The following WDR7 variants were observed in gnomAD, a reference collection of about 807,000 sequenced individuals.
WDR7 encodes WD repeat-containing protein 7.
A neutral mutation model predicts 169.4 loss-of-function variants in WDR7; 46 were observed. That is an observed-to-expected ratio of 0.27 (90% CI 0.21 to 0.35). The LOEUF (loss-of-function observed/expected upper bound fraction) is 0.35, where lower values mean the gene tolerates loss of function less well. Among genes scored for constraint, WDR7 ranks in the 10% least tolerant of loss-of-function variants. The pLI, the probability that WDR7 is intolerant of heterozygous loss-of-function variation, is 1.00. For missense variants in WDR7, 1,534 were observed against 1,859.3 expected (o/e 0.83, Z 3.22); for synonymous variants, 612 against 666.8 (o/e 0.92, Z 1.27).
At chr18:56,808,029 T>C (rs1325122667) in intron 19 of WDR7, among the ~76,000 whole-genome samples, 1 of 152,162 alleles carries the variant, frequency 6.6e-6, no homozygotes, top group African/African-American at 2.4e-5. Context: ...GGCCTTTGTG[T>C]GTATGTGCTG....
intron 4 of WDR7, among the ~76,000 whole-genome samples, chr18:56,682,140 A>T (rs1274524112): frequency 6.6e-6 from 1 of 152,226 alleles, no homozygotes; most frequent in Admixed American, 6.5e-5. Flanking sequence ...ACACCCTTAC[A>T]TATTAAATAG....
intron 1 of WDR7, among the ~76,000 whole-genome samples, chr18:56,656,565 C>T (rs538084069): frequency 7.0e-6 from 1 of 142,046 alleles, no homozygotes; most frequent in African/African-American, 2.6e-5. Flanking sequence ...TAGATGTGAG[C>T]CACTGCGCCC....
chr18:56,992,801 A>G (rs1008541619), intron 26 of WDR7, among the ~76,000 whole-genome samples: 5 of 152,224 alleles, frequency 3.3e-5, no homozygotes, highest in African/African-American at 1.2e-4. Flanking sequence ...CTGAACTAGA[A>G]GTTCAGGGAT....
chr18:57,010,878 G>C (rs1175620566), intron 26 of WDR7, among the ~76,000 whole-genome samples: 1 of 152,082 alleles, frequency 6.6e-6, no homozygotes, highest in African/African-American at 2.4e-5. Flanking sequence ...CAGTTAAATC[G>C]AAGGGAAAAT....
intron 12 of WDR7, among the ~76,000 whole-genome samples, chr18:56,700,568 T>TC (rs1348394435): frequency 0.013 from 39 of 2,970 alleles, no homozygotes; most frequent in African/African-American, 0.013. Context: ...ATTGTTTCTT[T>TC]TTTTTTTTTT....
At chr18:56,803,226 G>C (rs1187677066) in intron 19 of WDR7, among the ~76,000 whole-genome samples, 2 of 152,080 alleles carry the variant, frequency 1.3e-5, no homozygotes, top group African/African-American at 4.8e-5. Flanking sequence ...TAAGTTATTG[G>C]AATATCCAAA....
chr18:56,905,851 G>A (rs376923428), intron 21 of WDR7, among the ~76,000 whole-genome samples: 5 of 151,838 alleles, frequency 3.3e-5, no homozygotes, highest in East Asian at 3.8e-4. Flanking sequence ...AGTGGTACTC[G>A]GGGAAAAAAA....
chr18:56,966,427 T>A (rs1170600615), intron 26 of WDR7, among the ~76,000 whole-genome samples: 1 of 152,096 alleles, frequency 6.6e-6, no homozygotes, highest in Non-Finnish European at 1.5e-5. Flanking sequence ...GCCTTTATGA[T>A]GACCCATTTC....
chr18:56,829,288 TC>T (rs1309667413), intron 20 of WDR7, among the ~76,000 whole-genome samples: 1 of 147,818 alleles, frequency 6.8e-6, no homozygotes, highest in East Asian at 2.0e-4. Flanking sequence ...AACCCCAACC[TC>T]CCCCTACCAC....
At chr18:56,847,308 G>A (rs150459010) in intron 20 of WDR7, among the ~76,000 whole-genome samples, 1 of 152,292 alleles carries the variant, frequency 6.6e-6, no homozygotes, top group African/African-American at 2.4e-5. Context: ...AAATGTCTAA[G>A]TTGCAAGACA....
In WDR7 at chr18:57,004,699, T is replaced by G. The variant is rs191740416; in HGVS notation, c.4165-16046T>G. Among the ~76,000 whole-genome samples, 270 of 152,282 alleles carry G rather than the reference T, an allele frequency of 1.8e-3. 4 individuals carry two copies. Among genetic ancestry groups the G allele is most frequent in the Non-Finnish European group, 3.2e-3 (218 of 68,018 alleles). ...CACAGTAAATATACAGAACTACAAA[T>G]AGAAGGATTTCTTGTATTTAAAGTT... is the stretch of plus-strand genomic sequence containing the variant. On this transcript the variant is annotated intron_variant, in intron 26 of 27. Coordinates refer to ENST00000254442, the MANE Select transcript of WDR7 (RefSeq NM_015285.3).
rs543803042 is a variant in WDR7 at position 56,910,914 on chromosome 18, C to A, written c.3527-13008C>A. 3.3e-5 allele frequency among the ~76,000 whole-genome samples: 5 copies of A among 152,238 alleles called. No individual in the cohort carries two copies. The South Asian group carries it at 1.0e-3, about 32-fold the overall frequency. On this transcript the variant is annotated intron_variant, in intron 21 of 27. Coordinates refer to ENST00000254442, the MANE Select transcript of WDR7 (RefSeq NM_015285.3). ...ACTTTTCCTTTGTAATATTCTGTTA[C>A]TTAAAAGTTATTGTGTATCCTTTTG... is the stretch of plus-strand genomic sequence containing the variant.
rs368783883 is a variant in WDR7, at chr18:56,852,653, G to A, written c.3305-27291G>A. ...AACTTTTAAGCTGTTCTGGGGCCAC[G>A]TTAGTATAAAGGCTAAACCTAATTT... On this transcript the variant is annotated intron_variant, in intron 20 of 27. Transcript: ENST00000254442. Among the ~76,000 whole-genome samples the A allele has an allele frequency of 5.3e-5, 8 of 151,980 alleles. No individual in the cohort carries two copies. The South Asian group carries it at 6.2e-4, about 12-fold the overall frequency.
At chr18:56,980,260 G>T (rs2047622411) in intron 26 of WDR7, among the ~76,000 whole-genome samples, 1 of 152,140 alleles carries the variant, frequency 6.6e-6, no homozygotes, top group South Asian at 2.1e-4. Flanking sequence ...ATACAAAGGG[G>T]CTTCTTAGAA....
intron 12 of WDR7, among the ~76,000 whole-genome samples, chr18:56,696,810 T>C (rs1348450189): frequency 6.6e-6 from 1 of 152,182 alleles, no homozygotes; most frequent in African/African-American, 2.4e-5. Context: ...TACAATCTCA[T>C]TATTTTTGGG....
intron 19 of WDR7, among the ~76,000 whole-genome samples, chr18:56,785,650 T>C (rs1406989771): frequency 6.6e-6 from 1 of 152,142 alleles, no homozygotes; most frequent in Non-Finnish European, 1.5e-5. Flanking sequence ...CTATCTCTAC[T>C]TCACAGTCCG....
intron 12 of WDR7, among the ~76,000 whole-genome samples, chr18:56,698,392 G>A (rs939237336): frequency 3.3e-5 from 5 of 151,980 alleles, no homozygotes; most frequent in African/African-American, 1.2e-4. Flanking sequence ...GGATCACGAG[G>A]TCAGGAGATC....
At chr18:56,746,250 T>G (rs1599011283) in intron 14 of WDR7, among the ~76,000 whole-genome samples, 3 of 152,262 alleles carry the variant, frequency 2.0e-5, no homozygotes, top group African/African-American at 7.2e-5. Flanking sequence ...TCCACTGATC[T>G]CTCTCTTATT....
intron 7 of WDR7, among the ~76,000 whole-genome samples, chr18:56,688,952 A>T (rs1279337117): frequency 6.6e-6 from 1 of 152,206 alleles, no homozygotes; most frequent in African/African-American, 2.4e-5. Flanking sequence ...ATATACATAG[A>T]TGATGAAGAA....
Sources: gnomAD v4.1 joint callset for allele counts (sites outside exome capture counted in the v4.1 genomes callset) on GRCh38, gnomAD v4.1.1 for gene constraint, MANE v1.5 for transcripts, NCBI Gene and HGNC (gene_info 2026-07-23, HGNC 2026-07-21) for gene names.